The following FBXO21 variants were observed in gnomAD, a reference collection of about 807,000 sequenced individuals.
The protein encoded by FBXO21 is F-box only protein 21.
Under a neutral mutation model 76.6 loss-of-function variants are expected in FBXO21, and 32 were observed. The observed-to-expected ratio is 0.42, with a 90% CI of 0.32 to 0.56. The LOEUF is 0.56. Among genes scored for constraint, FBXO21 ranks in the 20% least tolerant of loss-of-function variants. FBXO21 has a pLI of 0.16. For missense variants in FBXO21, 586 were observed against 797.3 expected (o/e 0.73, Z 3.19); for synonymous variants, 328 against 311.5 (o/e 1.05, Z -0.56).
Position 117,174,307 on chromosome 12 carries a change from C to G in FBXO21, c.774G>C (p.Gln258His), listed in dbSNP as rs371294262. Reference sequence around the variant, plus strand: ...AGTTCATGGCATCCAGCACCTGGCTCTGGAGTTCTATTTCCATTATCATGG... The same window carrying G: ...AGTTCATGGCATCCAGCACCTGGCTGTGGAGTTCTATTTCCATTATCATGG... ...ESSMIMEIEL[Q>H]SQVLDAMNYV... is the part of the protein sequence containing the mutation. The change falls in exon 6 of 12, where the codon CAG (glutamine) becomes CAC (histidine). Residue 258 changes from glutamine (Q) to histidine (H), a missense_variant. This residue lies in a region of FBXO21 where 246 missense variants were observed against 356.8 expected (regional missense o/e 0.69). Coordinates refer to ENST00000622495, the MANE Select transcript of FBXO21 (RefSeq NM_015002.3). The G allele has an allele frequency of 1.7e-5, 27 of 1,613,926 alleles. No homozygotes were observed. The highest frequency in any genetic ancestry group is 2.1e-5 in the Non-Finnish European group (25 of 1,179,930).
chr12:117,164,029 G>A (rs1004190032), intron 9 of FBXO21, among the ~76,000 whole-genome samples: 4 of 151,984 alleles, frequency 2.6e-5, no homozygotes, highest in African/African-American at 9.7e-5. Context: ...CACTTTGGGA[G>A]GCCAAGATGG....
At chr12:117,185,206 A>G (rs76338790) in intron 3 of FBXO21, among the ~76,000 whole-genome samples, 2,328 of 152,154 alleles carry the variant, frequency 0.015, 66 homozygotes, top group African/African-American at 0.05. Flanking sequence ...ACTGACTACT[A>G]GATCATACTT....
At position 117,145,979 on chromosome 12, in the gene FBXO21, T is replaced by C. The variant is rs1160949451; in HGVS notation, c.*108A>G. The C allele has an allele frequency of 3.5e-6, 3 of 857,786 alleles. No homozygotes were observed. Among genetic ancestry groups the C allele is most frequent in the East Asian group, 5.4e-5 (2 of 37,078 alleles). 53.1% of individuals were successfully genotyped at this position (857,786 alleles called of 1,614,324 possible). On this transcript the variant is annotated 3_prime_UTR_variant, in exon 12 of 12. Coordinates refer to ENST00000622495, the MANE Select transcript of FBXO21 (RefSeq NM_015002.3). ...CAACCAGCACTACTGGTGGAGTGGCTTTCCTGGTGCAGCAGGTCCCGAGGG... is the reference window on the plus strand; with the variant it reads ...CAACCAGCACTACTGGTGGAGTGGCCTTCCTGGTGCAGCAGGTCCCGAGGG...
chr12:117,161,136 G>A (rs909436373), intron 9 of FBXO21, among the ~76,000 whole-genome samples: 3 of 152,038 alleles, frequency 2.0e-5, no homozygotes, highest in South Asian at 4.2e-4. Context: ...CAGGAACGAC[G>A]GGAAAACATG....
At chr12:117,178,244 C>T (rs979840624) in intron 3 of FBXO21, among the ~76,000 whole-genome samples, 2 of 152,126 alleles carry the variant, frequency 1.3e-5, no homozygotes, top group African/African-American at 4.8e-5. Flanking sequence ...CTTGCTTTCT[C>T]TCATAAGCCA....
At chr12:117,165,761 G>A in intron 8 of FBXO21, 144 bp from the exon 9 acceptor site, 5 of 710,410 alleles carry the variant, frequency 7.0e-6, no homozygotes, top group South Asian at 3.0e-5. Context: ...TCAACGAAGA[G>A]ATACAATGCT....
intron 7 of FBXO21, among the ~76,000 whole-genome samples, chr12:117,169,402 A>AC (rs1016366280): frequency 2.6e-5 from 4 of 151,914 alleles, no homozygotes; most frequent in Admixed American, 1.3e-4. Flanking sequence ...TGCACAACAA[A>AC]CCCCCATAAC....
In FBXO21 at chr12:117,143,490, T is replaced by G. The variant is rs936781872; in HGVS notation, c.*2597A>C. The G allele has an allele frequency of 1.3e-5, 2 of 152,242 alleles. No individual in the cohort carries two copies. Among genetic ancestry groups the G allele is most frequent in the African/African-American group, 4.8e-5 (2 of 41,458 alleles). The allele number at this position is 152,242 out of a possible 1,614,324, so 9.4% of individuals were successfully genotyped here. ...ACAGAACGCACGAAGAACCTGGTTTTCTTTCAAAGCATGAGCAGTTCTCAT... is the reference window on the plus strand; with the variant it reads ...ACAGAACGCACGAAGAACCTGGTTTGCTTTCAAAGCATGAGCAGTTCTCAT... On this transcript the variant is annotated 3_prime_UTR_variant, in exon 12 of 12. Transcript: ENST00000622495.
intron 3 of FBXO21, among the ~76,000 whole-genome samples, 190 bp downstream of exon 3, chr12:117,186,287 G>T (rs957110884): frequency 6.6e-6 from 1 of 152,104 alleles, no homozygotes; most frequent in Non-Finnish European, 1.5e-5. Flanking sequence ...AAGGATTTTT[G>T]TAAGGTTTCT....
In FBXO21 at chr12:117,155,384, T is replaced by C. The variant is rs1427857258; in HGVS notation, c.1675+407A>G. 6 of 187,698 alleles carry C rather than the reference T, an allele frequency of 3.2e-5. No individual in the cohort carries two copies. In the South Asian group the frequency reaches 5.3e-4, roughly 17 times the overall value. 11.6% of individuals were successfully genotyped at this position (187,698 alleles called of 1,614,324 possible). On this transcript the variant is annotated intron_variant, in intron 11 of 11. Transcript: ENST00000622495. Reference sequence around the variant, plus strand: ...TCCCACAGGTGGCCACACGAGGGCATCTCCGGCGTCAGCCGGCAGCCACAG... The same window carrying C: ...TCCCACAGGTGGCCACACGAGGGCACCTCCGGCGTCAGCCGGCAGCCACAG...
Position 117,172,604 on chromosome 12 carries a change from A to G in FBXO21, c.880T>C (p.Leu294=). Residue 294 remains leucine, a synonymous_variant, in exon 7 of 12, where the codon TTG becomes CTG. Transcript: ENST00000622495. ...NALNLYMHQV[L]IRRTGIPISM... ...ATTGGGATTCCTGTTCTGCGAATCA[A>G]AACCTAAAGCAGAAAAAATGCTTTT... The G allele has an allele frequency of 6.2e-7, 1 of 1,611,838 alleles. No homozygotes were observed. Among genetic ancestry groups the G allele is most frequent in the African/African-American group, 1.3e-5 (1 of 75,046 alleles).
rs547995952 is a variant in FBXO21 at position 117,174,536 on chromosome 12, G to A, written c.739+115C>T. The A allele has an allele frequency of 3.3e-5, 44 of 1,328,074 alleles. No homozygotes were observed. The East Asian group carries it at 3.5e-4, about 11-fold the overall frequency. 82.3% of individuals were successfully genotyped at this position (1,328,074 alleles called of 1,614,324 possible). A position where few individuals can be genotyped will look rare whatever the true frequency, so the allele number is the denominator to read the frequency against. On this transcript the variant is annotated intron_variant, in intron 5 of 11. Coordinates refer to ENST00000622495, the MANE Select transcript of FBXO21 (RefSeq NM_015002.3). ...TTCAACCAGGTAAACACGTGGTCAC[G>A]TCATTTTATCACTTTTTCATGACAT...
Position 117,190,469 on chromosome 12 carries a change from C to T in FBXO21, c.-13G>A, listed in dbSNP as rs1269947425. On this transcript the variant is annotated 5_prime_UTR_variant, in exon 1 of 12. Transcript: ENST00000622495. Reference sequence around the variant, plus strand: ...CTGCCGCCGCCATCTTGTCCGCGTACCTGGGGCCGCCGCGCGCGCGCGTGC... The same window carrying T: ...CTGCCGCCGCCATCTTGTCCGCGTATCTGGGGCCGCCGCGCGCGCGCGTGC... 4 of 1,194,366 alleles carry T rather than the reference C, an allele frequency of 3.3e-6. No individual in the cohort carries two copies. Among genetic ancestry groups the T allele is most frequent in the Non-Finnish European group, 4.5e-6 (4 of 888,714 alleles). The allele number at this position is 1,194,366 out of a possible 1,614,324, so 74.0% of individuals were successfully genotyped here.
chr12:117,172,690 A>G lies in FBXO21; in HGVS notation c.877-83T>C, dbSNP rs768909747. ...CAATAAACATTCTCATTAGGCACCT[A>G]TTGTGCATTGGGCATGATGCTCATT... On this transcript the variant is annotated intron_variant, in intron 6 of 11. Coordinates refer to ENST00000622495, the MANE Select transcript of FBXO21 (RefSeq NM_015002.3). The G allele has an allele frequency of 6.1e-5, 86 of 1,411,456 alleles. 1 individual carries two copies. Among genetic ancestry groups the G allele is most frequent in the Non-Finnish European group, 7.9e-5 (81 of 1,024,452 alleles). The allele number at this position is 1,411,456 out of a possible 1,614,324, so 87.4% of individuals were successfully genotyped here. A position where few individuals can be genotyped will look rare whatever the true frequency, so the allele number is the denominator to read the frequency against.
chr12:117,178,826 T>C (rs1956201858), intron 3 of FBXO21, among the ~76,000 whole-genome samples: 1 of 152,132 alleles, frequency 6.6e-6, no homozygotes, highest in South Asian at 2.1e-4. Flanking sequence ...TATTTCTCTA[T>C]AGCATGTTTC....
intron 8 of FBXO21, among the ~76,000 whole-genome samples, chr12:117,166,624 GT>G (rs2135864925): frequency 1.3e-5 from 2 of 152,290 alleles, no homozygotes; most frequent in African/African-American, 4.8e-5. Context: ...AAACAAGACA[GT>G]TTCATATTTT....
chr12:117,149,894 A>C (rs1346186456), intron 11 of FBXO21, among the ~76,000 whole-genome samples: 1 of 152,184 alleles, frequency 6.6e-6, no homozygotes, highest in Non-Finnish European at 1.5e-5. Context: ...CAGAATTCTG[A>C]ACATGGGCCC....
intron 9 of FBXO21, among the ~76,000 whole-genome samples, chr12:117,159,204 T>TTC (rs1955950148): frequency 6.6e-6 from 1 of 152,174 alleles, no homozygotes; most frequent in Admixed American, 6.5e-5. Flanking sequence ...CTGAACACTA[T>TTC]TCTCTGCTGG....
intron 7 of FBXO21, among the ~76,000 whole-genome samples, chr12:117,171,356 T>TC (rs1956116733): frequency 1.8e-5 from 1 of 56,704 alleles, no homozygotes; most frequent in African/African-American, 6.4e-5. Flanking sequence ...AGACCCTGTC[T>TC]CAAAAAAAAA....
Sources: gnomAD v4.1 joint callset for allele counts (sites outside exome capture counted in the v4.1 genomes callset) on GRCh38, gnomAD v4.1.1 for gene constraint, gnomAD v4.1.1 regional missense constraint, MANE v1.5 for transcripts, NCBI Gene and HGNC (gene_info 2026-07-23, HGNC 2026-07-21) for gene names.